The following CCDC178 variants were observed in gnomAD, a reference collection of about 807,000 sequenced individuals.
CCDC178 encodes coiled-coil domain-containing protein 178.
In CCDC178, 126 loss-of-function variants were observed where a neutral mutation model predicts 117.4. The ratio of observed to expected loss-of-function variants is 1.07; its 90% CI spans 0.93 to 1.24. CCDC178 has a LOEUF of 1.24. Among genes scored for constraint, CCDC178 ranks in the 50% most tolerant of loss-of-function variants. The pLI is 0.00. For missense variants in CCDC178, 1,030 were observed against 986.9 expected, an observed-to-expected ratio of 1.04 and a Z score of -0.59; for synonymous variants, 283 against 313.4, an observed-to-expected ratio of 0.90 and a Z score of 1.02.
intron 20 of CCDC178, among the ~76,000 whole-genome samples, chr18:33,193,037 A>G (rs3102225): frequency 0.16 from 24,405 of 151,452 alleles, 2,750 homozygotes; most frequent in African/African-American, 0.32. Flanking sequence ...AGGCAGGCGG[A>G]TCACGAGGTC....
chr18:33,272,994 G>A (rs1235072637), intron 12 of CCDC178, among the ~76,000 whole-genome samples: 1 of 150,426 alleles, frequency 6.6e-6, no homozygotes, highest in African/African-American at 2.4e-5. Context: ...TGCTCTTATT[G>A]TCTTTTTTTT....
intron 21 of CCDC178, among the ~76,000 whole-genome samples, chr18:32,991,358 A>C (rs571508014): frequency 6.6e-6 from 1 of 152,290 alleles, no homozygotes; most frequent in South Asian, 2.1e-4. Context: ...CAGGATAACT[A>C]TGCCTAATGA....
At chr18:33,376,301 G>A (rs947640458) in intron 5 of CCDC178, among the ~76,000 whole-genome samples, 1 of 152,154 alleles carries the variant, frequency 6.6e-6, no homozygotes, top group African/African-American at 2.4e-5. Flanking sequence ...GTGAGCAGGA[G>A]GGGAGAGCCC....
At chr18:33,106,429 G>A (rs1343478339) in intron 20 of CCDC178, among the ~76,000 whole-genome samples, 3 of 151,658 alleles carry the variant, frequency 2.0e-5, no homozygotes, top group African/African-American at 7.3e-5. Context: ...CTGACCTGAG[G>A]ATAGCCTTTA....
intron 20 of CCDC178, among the ~76,000 whole-genome samples, chr18:33,137,035 C>G (rs2058136834): frequency 6.6e-6 from 1 of 152,052 alleles, no homozygotes; most frequent in Non-Finnish European, 1.5e-5. Flanking sequence ...AAGTAACATA[C>G]TTTTGCTTGG....
intron 4 of CCDC178, among the ~76,000 whole-genome samples, chr18:33,392,530 G>A (rs2063576957): frequency 6.6e-6 from 1 of 152,148 alleles, no homozygotes; most frequent in South Asian, 2.1e-4. Context: ...GGTATGTCCA[G>A]AGTATTAAAA....
At chr18:33,301,299 G>A (rs1358132811) in intron 11 of CCDC178, among the ~76,000 whole-genome samples, 2 of 152,240 alleles carry the variant, frequency 1.3e-5, no homozygotes, top group Non-Finnish European at 2.9e-5. Context: ...GGATGTAGGA[G>A]AAAGCCTGTG....
At chr18:33,070,311 G>A (rs922373378) in intron 21 of CCDC178, among the ~76,000 whole-genome samples, 19 of 151,554 alleles carry the variant, frequency 1.3e-4, no homozygotes, top group South Asian at 8.3e-4. Flanking sequence ...TAAAAAATGC[G>A]GAATATCTAC....
chr18:33,141,796 G>A (rs1047118131), intron 20 of CCDC178, among the ~76,000 whole-genome samples: 5 of 152,036 alleles, frequency 3.3e-5, no homozygotes, highest in African/African-American at 9.7e-5. Flanking sequence ...CTGATCATGC[G>A]ACAACATTCT....
At chr18:32,995,575 C>A (rs181519865) in intron 21 of CCDC178, among the ~76,000 whole-genome samples, 1 of 152,010 alleles carries the variant, frequency 6.6e-6, no homozygotes, top group Admixed American at 6.6e-5. Flanking sequence ...GCTAAGCTGC[C>A]TCTATTTCTA....
Position 32,979,382 on chromosome 18 carries a change from C to G in CCDC178, c.2389-4701G>C, listed in dbSNP as rs142940951. ...CCATGTTGGGCAGGCTGGCCTTGAA[C>G]TCCTAACCTCAGGTGATCTGCCCTC... On this transcript the variant is annotated intron_variant, in intron 21 of 22. Transcript: ENST00000383096. 3.4e-3 allele frequency among the ~76,000 whole-genome samples: 522 copies of G among 152,136 alleles called. 4 individuals are homozygous for G. The highest frequency in any genetic ancestry group is 0.012 in the African/African-American group (494 of 41,500).
Position 33,223,894 on chromosome 18 carries a change from GGT to G in CCDC178, c.1819-677_1819-676del, listed in dbSNP as rs547436391. On this transcript the variant is annotated intron_variant, in intron 17 of 22. Coordinates refer to ENST00000383096, the MANE Select transcript of CCDC178 (RefSeq NM_001105528.4). ...AGCATTTAGAAACCCTAAATACAGT[GGT>G]ACTCGGAATTTGTTGTTTCCATGCT... 1.9e-4 allele frequency among the ~76,000 whole-genome samples: 29 copies of G among 152,148 alleles called. 1 individual carries two copies. In the Middle Eastern group the frequency reaches 0.01, roughly 54 times the overall value.
chr18:33,323,492 T>C lies in CCDC178; in HGVS notation c.1021A>G (p.Lys341Glu), dbSNP rs757837972. Residue 341 changes from lysine (K) to glutamate (E), a missense_variant and splice_region_variant, in exon 11 of 23, where the codon AAG becomes GAG. Physicochemically the swap from Lys to Glu is moderately conservative, Grantham distance 56. Coordinates refer to ENST00000383096, the MANE Select transcript of CCDC178 (RefSeq NM_001105528.4). ...TTAGTGTTTGCGAAAAATTCTTACT[T>C]GTAGGCCTCTATGGTTTTTTCATCC... ...YQDEKTIEAY[K>E]REIYQLNSLF... The C allele has an allele frequency of 6.0e-6, 9 of 1,501,272 alleles. No homozygotes were observed. The highest frequency in any genetic ancestry group is 8.0e-6 in the Non-Finnish European group (9 of 1,127,762). The allele number at this position is 1,501,272 out of a possible 1,614,324, so 93.0% of individuals were successfully genotyped here. A position where few individuals can be genotyped will look rare whatever the true frequency, so the allele number is the denominator to read the frequency against.
intron 21 of CCDC178, among the ~76,000 whole-genome samples, chr18:33,028,849 C>T (rs560647444): frequency 4.3e-4 from 65 of 151,798 alleles, no homozygotes; most frequent in Middle Eastern, 3.4e-3. Context: ...ACTGAAATAA[C>T]CTTGCATACC....
At chr18:32,999,995 C>T (rs1160763085) in intron 21 of CCDC178, among the ~76,000 whole-genome samples, 1 of 151,804 alleles carries the variant, frequency 6.6e-6, no homozygotes, top group African/African-American at 2.4e-5. Context: ...AAGACCTCAC[C>T]AAATGAACTA....
At chr18:33,263,917 A>G (rs1006851988) in intron 14 of CCDC178, among the ~76,000 whole-genome samples, 1 of 152,120 alleles carries the variant, frequency 6.6e-6, no homozygotes, top group African/African-American at 2.4e-5. Context: ...TGGTTAAAAA[A>G]AAAATAGCCA....
rs567717166 is a variant in CCDC178, at chr18:33,397,009, C to T, written c.118+140G>A. 43 of 605,110 alleles carry T rather than the reference C, an allele frequency of 7.1e-5. 1 individual carries two copies. The Middle Eastern group carries it at 3.4e-3, about 48-fold the overall frequency. The allele number at this position is 605,110 out of a possible 1,614,324, so 37.5% of individuals were successfully genotyped here. A position where few individuals can be genotyped will look rare whatever the true frequency, so the allele number is the denominator to read the frequency against. On this transcript the variant is annotated intron_variant, in intron 4 of 22. Transcript: ENST00000383096. ...TAAGTATTTTTTTAAAGAAGCGTTA[C>T]GATTATTCTCATTGATAGAACATCA...
At chr18:32,949,185 C>T (rs965630570) in intron 22 of CCDC178, among the ~76,000 whole-genome samples, 3 of 152,020 alleles carry the variant, frequency 2.0e-5, no homozygotes, top group Non-Finnish European at 4.4e-5. Flanking sequence ...TTCTCTGTAT[C>T]ACTGGTTTTG....
chr18:33,356,756 T>A (rs1248265687), intron 6 of CCDC178, among the ~76,000 whole-genome samples: 1 of 152,168 alleles, frequency 6.6e-6, no homozygotes, highest in African/African-American at 2.4e-5. Context: ...TAGCATCACA[T>A]GACAGATAAC....
Sources: allele counts gnomAD v4.1 joint callset (sites outside exome capture counted in the v4.1 genomes callset), GRCh38; gene constraint gnomAD v4.1.1; transcripts MANE v1.5; gene names NCBI Gene and HGNC (gene_info 2026-07-23, HGNC 2026-07-21).